Variants in SOBP observed in about 807,000 individuals in gnomAD.
The protein encoded by SOBP is sine oculis-binding protein homolog.
In SOBP, 4 loss-of-function variants were observed where a neutral mutation model predicts 53.6. The ratio of observed to expected loss-of-function variants is 0.07; its 90% CI spans 0.04 to 0.17. The LOEUF (loss-of-function observed/expected upper bound fraction) is 0.17. SOBP is among the 10% of genes least tolerant of loss of function. SOBP has a pLI of 1.00. For synonymous variants in SOBP, 584 were observed against 522.6 expected, an observed-to-expected ratio of 1.12 and a Z score of -1.60; for missense variants, 1,088 against 1,204.7, an observed-to-expected ratio of 0.90 and a Z score of 1.43.
intron 5 of SOBP, among the ~76,000 whole-genome samples, chr6:107,608,263 T>G (rs1263381490): frequency 6.6e-6 from 1 of 152,156 alleles, no homozygotes; most frequent in Non-Finnish European, 1.5e-5. Context: ...TTGTGTGGTG[T>G]TGTTTCCCCT....
intron 5 of SOBP, among the ~76,000 whole-genome samples, chr6:107,599,391 G>A (rs183168597): frequency 4.6e-5 from 7 of 152,122 alleles, no homozygotes; most frequent in Middle Eastern, 3.4e-3. Flanking sequence ...GTCCGAATCC[G>A]TTTTTTAAAA....
At chr6:107,509,120 C>T (rs564759234) in intron 3 of SOBP, among the ~76,000 whole-genome samples, 2 of 152,154 alleles carry the variant, frequency 1.3e-5, no homozygotes, top group Non-Finnish European at 2.9e-5. Flanking sequence ...TAAGGCCGGG[C>T]GCAGTGGCTC....
intron 4 of SOBP, among the ~76,000 whole-genome samples, chr6:107,573,083 T>G (rs1363372338): frequency 6.6e-6 from 1 of 152,188 alleles, no homozygotes; most frequent in African/African-American, 2.4e-5. Flanking sequence ...ATGCCTTTTT[T>G]GAGGGAGCGA....
intron 4 of SOBP, among the ~76,000 whole-genome samples, chr6:107,572,284 A>C (rs1431820019): frequency 1.3e-5 from 2 of 151,740 alleles, no homozygotes; most frequent in Non-Finnish European, 2.9e-5. Context: ...ATAAGAAAAT[A>C]ATAGCTGCAA....
At chr6:107,544,699 A>G (rs912181083) in intron 4 of SOBP, among the ~76,000 whole-genome samples, 3 of 152,220 alleles carry the variant, frequency 2.0e-5, no homozygotes, top group African/African-American at 7.2e-5. Flanking sequence ...TTTCTTTGCT[A>G]ATTTCATGTT....
intron 5 of SOBP, among the ~76,000 whole-genome samples, chr6:107,605,822 T>C (rs1363265541): frequency 6.6e-6 from 1 of 152,216 alleles, no homozygotes; most frequent in Non-Finnish European, 1.5e-5. Context: ...CTGTTAAGCA[T>C]GGAGAATCCC....
intron 4 of SOBP, among the ~76,000 whole-genome samples, chr6:107,585,159 G>A (rs530195894): frequency 1.9e-4 from 29 of 152,222 alleles, no homozygotes; most frequent in African/African-American, 7.0e-4. Flanking sequence ...TACTATCCAC[G>A]TATGGGTTTT....
intron 3 of SOBP, among the ~76,000 whole-genome samples, chr6:107,523,509 A>T (rs941583354): frequency 8.5e-5 from 13 of 152,300 alleles, no homozygotes; most frequent in Non-Finnish European, 1.8e-4. Flanking sequence ...CAGGGTATTG[A>T]GGGAAGAAAA....
chr6:107,501,078 G>A (rs1393632522), intron 1 of SOBP, among the ~76,000 whole-genome samples: 4 of 152,102 alleles, frequency 2.6e-5, no homozygotes, highest in Non-Finnish European at 5.9e-5. Flanking sequence ...GACAAAAAAG[G>A]GAATGTTTTA....
intron 5 of SOBP, among the ~76,000 whole-genome samples, chr6:107,602,527 A>G (rs1240130006): frequency 6.9e-6 from 1 of 145,432 alleles, no homozygotes; most frequent in East Asian, 2.2e-4. Flanking sequence ...ACTGATCCCC[A>G]TGCAGGAGCG....
At chr6:107,623,325 T>C (rs1400635099) in intron 5 of SOBP, among the ~76,000 whole-genome samples, 1 of 152,202 alleles carries the variant, frequency 6.6e-6, no homozygotes, top group Non-Finnish European at 1.5e-5. Context: ...AGTAACGCTA[T>C]GTTCATAGAA....
Position 107,591,986 on chromosome 6 carries a change from T to G in SOBP, c.669+4811T>G, listed in dbSNP as rs867254427. ...TTTTGGTGTTTTTTTTTTTTTTTTT[T>G]TTTTTTGTAAAATCTTTAGGATCCT... On this transcript the variant is annotated intron_variant, in intron 5 of 6. Transcript: ENST00000317357. Among the ~76,000 whole-genome samples the G allele has an allele frequency of 2.3e-3, 303 of 131,108 alleles. 3 individuals are homozygous for G. The highest frequency in any genetic ancestry group is 8.0e-3 in the African/African-American group (294 of 36,798). 86.0% of individuals were successfully genotyped at this position (131,108 alleles called of 152,430 possible).
At chr6:107,647,820 G>A (rs1190577913) in intron 6 of SOBP, among the ~76,000 whole-genome samples, 3 of 151,978 alleles carry the variant, frequency 2.0e-5, no homozygotes, top group Admixed American at 1.3e-4. Context: ...TGCCACCCAC[G>A]GCATGGCTTC....
intron 3 of SOBP, among the ~76,000 whole-genome samples, chr6:107,521,958 ACAAACTCAAT>A: frequency 7.8e-6 from 1 of 127,766 alleles, no homozygotes; most frequent in Non-Finnish European, 1.8e-5. Flanking sequence ...ACACACACAC[ACAAACTCAAT>A]CAAGTCTGAG....
intron 2 of SOBP, among the ~76,000 whole-genome samples, chr6:107,504,165 G>A (rs1444628117): frequency 5.9e-5 from 9 of 152,194 alleles, no homozygotes; most frequent in Non-Finnish European, 1.3e-4. Flanking sequence ...TAAGTGAAAT[G>A]TTAGGTTTAG....
intron 5 of SOBP, among the ~76,000 whole-genome samples, chr6:107,616,484 G>A (rs73518940): frequency 0.026 from 3,966 of 152,232 alleles, 152 homozygotes; most frequent in East Asian, 0.14. Context: ...CTTCCTCTCT[G>A]GTCACAAGGG....
intron 6 of SOBP, among the ~76,000 whole-genome samples, chr6:107,648,918 C>T (rs1055594272): frequency 5.3e-5 from 8 of 152,106 alleles, no homozygotes; most frequent in Non-Finnish European, 1.2e-4. Context: ...AAATTTGACT[C>T]CTAGTCTGGG....
intron 3 of SOBP, among the ~76,000 whole-genome samples, chr6:107,528,157 A>G (rs546767702): frequency 1.6e-3 from 238 of 152,360 alleles, no homozygotes; most frequent in African/African-American, 5.2e-3. Flanking sequence ...ATCATTACTT[A>G]CAAGTATATA....
Position 107,658,576 on chromosome 6 carries a change from A to G in SOBP, c.*373A>G, listed in dbSNP as rs1583320870. 6.5e-6 allele frequency: 1 copy of G among 152,678 alleles called. No homozygotes were observed. Among genetic ancestry groups the G allele is most frequent in the Non-Finnish European group, 1.5e-5 (1 of 68,032 alleles). 9.5% of individuals were successfully genotyped at this position (152,678 alleles called of 1,614,324 possible). A position where few individuals can be genotyped will look rare whatever the true frequency, so the allele number is the denominator to read the frequency against. ...TTCAAGGCTCAGCGACTGAGGCTGG[A>G]AGATGATATGGATTGGAACACAAAA... is the stretch of plus-strand genomic sequence containing the variant. On this transcript the variant is annotated 3_prime_UTR_variant, in exon 7 of 7. Transcript: ENST00000317357.
Sources: gnomAD v4.1 joint callset for allele counts (sites outside exome capture counted in the v4.1 genomes callset) on GRCh38, gnomAD v4.1.1 for gene constraint, MANE v1.5 for transcripts, NCBI Gene and HGNC (gene_info 2026-07-23, HGNC 2026-07-21) for gene names.